The following TSPAN32 variants were observed in gnomAD, a reference collection of about 807,000 sequenced individuals.
The protein encoded by TSPAN32 is tetraspanin 32.
A neutral mutation model predicts 42.7 loss-of-function variants in TSPAN32; 47 were observed. The observed-to-expected ratio is 1.10, with a 90% CI of 0.87 to 1.40. The LOEUF is 1.40. Ranked by LOEUF, TSPAN32 falls within the 40% of genes most tolerant of loss-of-function variation. The pLI is 0.00. For synonymous variants in TSPAN32, 175 were observed against 175.9 expected (o/e 0.99, Z 0.04); for missense variants, 469 against 424.1 (o/e 1.11, Z -0.93).
rs1294914899 is a variant in TSPAN32 at position 2,316,601 on chromosome 11, T to G, written c.653T>G (p.Phe218Cys). The G allele has an allele frequency of 6.4e-7, 1 of 1,561,234 alleles. No individual in the cohort carries two copies. Among genetic ancestry groups the G allele is most frequent in the African/African-American group, 1.4e-5 (1 of 73,564 alleles). The change falls in exon 8 of 10, where the codon TTC (phenylalanine) becomes TGC (cysteine). Residue 218 changes from phenylalanine to cysteine, a missense_variant. Coordinates refer to ENST00000182290, the MANE Select transcript of TSPAN32 (RefSeq NM_139022.3). ...LTVSALLFSS[F>C]LWFAIRCGCS... ...GTGTCCGCCTTGCTCTTCAGCTCCT[T>G]CCTGTGGTTTGCCATCCGCTGTGGC... is the stretch of plus-strand genomic sequence containing the variant.
intron 4 of TSPAN32, among the ~76,000 whole-genome samples, 185 bp downstream of exon 4, chr11:2,308,995 A>T (rs1175431799): frequency 6.6e-6 from 1 of 151,822 alleles, no homozygotes; most frequent in African/African-American, 2.4e-5. Context: ...CAAGCGCTGG[A>T]GGTGGGTGAG....
Position 2,302,029 on chromosome 11 carries a change from A to T in TSPAN32, c.-121A>T. The T allele has an allele frequency of 6.7e-7, 1 of 1,493,190 alleles. No homozygotes were observed. The highest frequency in any genetic ancestry group is 8.9e-7 in the Non-Finnish European group (1 of 1,126,008). 92.5% of individuals were successfully genotyped at this position (1,493,190 alleles called of 1,614,324 possible). Reference sequence around the variant, plus strand: ...CTCGGTCCTAGGGCGATGTTGACAGACAGACAGAGGGGCGGATGCAGCCTA... The same window carrying T: ...CTCGGTCCTAGGGCGATGTTGACAGTCAGACAGAGGGGCGGATGCAGCCTA... On this transcript the variant is annotated 5_prime_UTR_variant, in exon 1 of 10. Transcript: ENST00000182290.
rs1356621073 is a variant in TSPAN32, at chr11:2,313,010, G to A, written c.355-644G>A. Among the ~76,000 whole-genome samples the A allele has an allele frequency of 6.6e-6, 1 of 152,214 alleles. No homozygotes were observed. The highest frequency in any genetic ancestry group is 1.5e-5 in the Non-Finnish European group (1 of 68,034). ...ATCTTGCTTAGGAGGGTGGAGACATGAGGTCCAGGTGTTGGTGAGGTGTGG... is the reference window on the plus strand; with the variant it reads ...ATCTTGCTTAGGAGGGTGGAGACATAAGGTCCAGGTGTTGGTGAGGTGTGG... On this transcript the variant is annotated intron_variant, in intron 4 of 9. Transcript: ENST00000182290. The surrounding 1 kb of genome is among the most constrained non-coding windows in gnomAD (Gnocchi z 9.1).
intron 4 of TSPAN32, among the ~76,000 whole-genome samples, chr11:2,311,025 C>T (rs1187899226): frequency 1.3e-5 from 2 of 152,222 alleles, no homozygotes; most frequent in Non-Finnish European, 2.9e-5. Flanking sequence ...CTGTTGGCAC[C>T]GGAAACGTCG....
rs559788080 is a variant in TSPAN32 at position 2,315,645 on chromosome 11, C to T, written c.544-584C>T. ...CAGGAGGGTGAGCCCTGAGACCCTGCGGAGGCCTCCACAGGCCGCCCCAGT... is the reference window on the plus strand; with the variant it reads ...CAGGAGGGTGAGCCCTGAGACCCTGTGGAGGCCTCCACAGGCCGCCCCAGT... On this transcript the variant is annotated intron_variant, in intron 6 of 9. Coordinates refer to ENST00000182290, the MANE Select transcript of TSPAN32 (RefSeq NM_139022.3). 5.1e-6 allele frequency: 6 copies of T among 1,188,008 alleles called. No homozygotes were observed. The South Asian group carries it at 7.7e-5, about 15-fold the overall frequency. The allele number at this position is 1,188,008 out of a possible 1,614,324, so 73.6% of individuals were successfully genotyped here.
chr11:2,316,581 C>T lies in TSPAN32; in HGVS notation c.633C>T (p.Ser211=), dbSNP rs553461987. The T allele has an allele frequency of 2.5e-5, 39 of 1,586,684 alleles. No individual in the cohort carries two copies. The highest frequency in any genetic ancestry group is 2.9e-5 in the Non-Finnish European group (34 of 1,164,588). The change falls in exon 8 of 10, where the codon TCC becomes TCT. Residue 211 remains serine, a synonymous_variant. Coordinates refer to ENST00000182290, the MANE Select transcript of TSPAN32 (RefSeq NM_139022.3). ...CGCGGGTGTCTCCCTCCCAGGTGTC[C>T]GCCTTGCTCTTCAGCTCCTTCCTGT... is the stretch of plus-strand genomic sequence containing the variant. ...LTSIGLALTV[S]ALLFSSFLWF... is the part of the protein sequence containing the mutation.
At position 2,313,231 on chromosome 11, in the gene TSPAN32, C is replaced by G. The variant is rs879642220; in HGVS notation, c.355-423C>G. On this transcript the variant is annotated intron_variant, in intron 4 of 9. Transcript: ENST00000182290. The surrounding 1 kb of genome is among the most constrained non-coding windows in gnomAD (Gnocchi z 9.1). The stretch of plus-strand genomic sequence containing the variant: ...TTGGGAAAGATCTAGAATCCCCAAG[C>G]TTTCTGGGAGCTGAGGTCCTGGCAC... 5.3e-5 allele frequency among the ~76,000 whole-genome samples: 8 copies of G among 152,200 alleles called. No individual in the cohort carries two copies. Among genetic ancestry groups the G allele is most frequent in the Non-Finnish European group, 1.0e-4 (7 of 68,036 alleles).
chr11:2,315,894 T>G, intron 6 of TSPAN32: 1 of 1,448,370 alleles, frequency 6.9e-7, no homozygotes, highest in Non-Finnish European at 9.2e-7. Context: ...CTGGGCTGGA[T>G]GCTGGGAACC....
chr11:2,315,044 G>A, intron 6 of TSPAN32: 1 of 326,958 alleles, frequency 3.1e-6, no homozygotes. Flanking sequence ...AGTAGGCCAG[G>A]GTGTGGCCAG....
intron 4 of TSPAN32, among the ~76,000 whole-genome samples, chr11:2,311,432 T>C (rs1037397041): frequency 6.6e-6 from 1 of 152,172 alleles, no homozygotes; most frequent in African/African-American, 2.4e-5. Flanking sequence ...CCCTGTGCCC[T>C]GACGAGTCTG....
chr11:2,306,044 C>T (rs1279946463), intron 3 of TSPAN32, among the ~76,000 whole-genome samples: 1 of 40,852 alleles, frequency 2.4e-5, no homozygotes, highest in Non-Finnish European at 5.7e-5. Context: ...GTGCAGGTGC[C>T]TCTGTGTGTG....
intron 2 of TSPAN32, among the ~76,000 whole-genome samples, chr11:2,303,694 C>T (rs927052894): frequency 6.6e-6 from 1 of 152,070 alleles, no homozygotes; most frequent in Non-Finnish European, 1.5e-5. Flanking sequence ...ACGCCTGGGG[C>T]CCAGGTCCAG....
rs528829496 is a variant in TSPAN32, at chr11:2,307,719, G to A, written c.280-1017G>A. 8.5e-5 allele frequency among the ~76,000 whole-genome samples: 13 copies of A among 152,326 alleles called. No homozygotes were observed. The South Asian group carries it at 2.5e-3, about 29-fold the overall frequency. On this transcript the variant is annotated intron_variant, in intron 3 of 9. Coordinates refer to ENST00000182290, the MANE Select transcript of TSPAN32 (RefSeq NM_139022.3). ...ACCGAGAGAACAACGGGCAAGTGCC[G>A]GGGGCGGGTGCGCAGACGTTTCCAC...
intron 4 of TSPAN32, chr11:2,309,289 G>A (rs773240569): frequency 2.2e-6 from 1 of 456,694 alleles, no homozygotes. Flanking sequence ...GCGGACTGGG[G>A]TGTCGCAGCC....
chr11:2,307,631 G>A (rs563795573), intron 3 of TSPAN32, among the ~76,000 whole-genome samples: 2 of 152,328 alleles, frequency 1.3e-5, no homozygotes, highest in Admixed American at 1.3e-4. Flanking sequence ...TATGCTCTCA[G>A]AGGAGGGGTC....
chr11:2,317,875 G>A lies in TSPAN32; in HGVS notation c.914G>A (p.Arg305Lys), dbSNP rs1848896235. 6.5e-7 allele frequency: 1 copy of A among 1,534,492 alleles called. No individual in the cohort carries two copies. Among genetic ancestry groups the A allele is most frequent in the Non-Finnish European group, 9.0e-7 (1 of 1,107,752 alleles). The change falls in exon 10 of 10, where the codon AGA (arginine) becomes AAA (lysine). Residue 305 changes from arginine to lysine, a missense_variant. By Grantham distance (26) the Arg-to-Lys change is conservative. Transcript: ENST00000182290. This position sits in a 1 kb window ranked among gnomAD's most constrained non-coding sequence, Gnocchi z 6.2. ...HLAAHRALQG[R>K]SRGGLSGCPE... Reference sequence around the variant, plus strand: ...TATGATCTCGCAGCTCTCCAGGGCAGAAGTCGCGGTGGGCTCAGTGGGTGC... The same window carrying A: ...TATGATCTCGCAGCTCTCCAGGGCAAAAGTCGCGGTGGGCTCAGTGGGTGC...
chr11:2,305,847 C>A (rs544060657), intron 3 of TSPAN32, among the ~76,000 whole-genome samples: 7 of 152,360 alleles, frequency 4.6e-5, no homozygotes, highest in African/African-American at 1.4e-4. Flanking sequence ...CCCCAATGCA[C>A]TTAGACCCAG....
chr11:2,306,544 GGAGAGAGAGAAA>G (rs1848101349), intron 3 of TSPAN32, among the ~76,000 whole-genome samples: 1 of 149,826 alleles, frequency 6.7e-6, no homozygotes, highest in African/African-American at 2.5e-5. Context: ...GGTGGTGGGG[GGAGAGAGAGAAA>G]GAGAGAAAGA....
chr11:2,314,977 G>A (rs1203540445), intron 6 of TSPAN32: 6 of 296,270 alleles, frequency 2.0e-5, no homozygotes, highest in Non-Finnish European at 3.9e-5. Flanking sequence ...CTAGGGGGAA[G>A]GGTGCAGGCG....
Sources: allele counts gnomAD v4.1 joint callset (sites outside exome capture counted in the v4.1 genomes callset), GRCh38; gene constraint gnomAD v4.1.1; non-coding constraint Gnocchi (gnomAD v3.1); transcripts MANE v1.5; gene names NCBI Gene and HGNC (gene_info 2026-07-23, HGNC 2026-07-21).